The following C3orf70 variants were observed in gnomAD, a reference collection of about 807,000 sequenced individuals.
C3orf70 encodes chromosome 3 open reading frame 70.
Under a neutral mutation model 20.7 loss-of-function variants are expected in C3orf70, and 15 were observed. That is an observed-to-expected ratio of 0.72 (90% CI 0.48 to 1.11). The LOEUF (loss-of-function observed/expected upper bound fraction) is 1.11. Among genes scored for constraint, C3orf70 ranks in the 50% most tolerant of loss-of-function variants. The probability of loss-of-function intolerance (pLI) is 0.00; values close to 1 mark genes in which losing one functional copy is unlikely to be tolerated. For synonymous variants in C3orf70, 161 were observed against 125.7 expected (o/e 1.28, Z -1.88); for missense variants, 332 against 317.6 (o/e 1.05, Z -0.34).
chr3:185,116,289 C>T (rs768296213), intron 1 of C3orf70, among the ~76,000 whole-genome samples: 45 of 152,136 alleles, frequency 3.0e-4, no homozygotes, highest in Non-Finnish European at 5.7e-4. Context: ...TAGATAATGG[C>T]ACATGGAATA....
intron 1 of C3orf70, among the ~76,000 whole-genome samples, chr3:185,145,541 G>A (rs1441551815): frequency 6.6e-6 from 1 of 152,046 alleles, no homozygotes; most frequent in African/African-American, 2.4e-5. Flanking sequence ...GCATATAATT[G>A]CCCTTCTCTT....
At position 185,139,189 on chromosome 3, in the gene C3orf70, G is replaced by T. The variant is rs115921412; in HGVS notation, c.196+13439C>A. ...AGCAGAAAGGAGGAGAAGGGGAGAG[G>T]GGGGAGGAGGAGAAGAGGAAGAAGG... On this transcript the variant is annotated intron_variant, in intron 1 of 1. Coordinates refer to ENST00000335012, the MANE Select transcript of C3orf70 (RefSeq NM_001025266.3). Among the ~76,000 whole-genome samples, 38 of 151,478 alleles carry T rather than the reference G, an allele frequency of 2.5e-4. No individual in the cohort carries two copies. In the South Asian group the frequency reaches 6.9e-3, roughly 28 times the overall value.
chr3:185,119,902 T>C (rs921540949), intron 1 of C3orf70, among the ~76,000 whole-genome samples: 4 of 151,396 alleles, frequency 2.6e-5, no homozygotes, highest in Admixed American at 1.3e-4. Context: ...TGCATGCCTG[T>C]AGTTCCAGCT....
chr3:185,130,296 A>G (rs1030255579), intron 1 of C3orf70, among the ~76,000 whole-genome samples: 2 of 152,088 alleles, frequency 1.3e-5, no homozygotes, highest in Non-Finnish European at 2.9e-5. Flanking sequence ...TAAAAATACA[A>G]AAACAAAATT....
At position 185,085,305 on chromosome 3, in the gene C3orf70, T is replaced by C. The variant is rs1484041120; in HGVS notation, c.197-1742A>G. On this transcript the variant is annotated intron_variant, in intron 1 of 1. Coordinates refer to ENST00000335012, the MANE Select transcript of C3orf70 (RefSeq NM_001025266.3). ...GCCACAGGAGAGTAGCAATTTCAGA[T>C]TAGAAATGAAGTAGTAAAGAGGCCA... 3.3e-5 allele frequency among the ~76,000 whole-genome samples: 5 copies of C among 152,256 alleles called. No homozygotes were observed. In the East Asian group the frequency reaches 7.7e-4, roughly 23 times the overall value.
chr3:185,098,076 C>A (rs924358460), intron 1 of C3orf70, among the ~76,000 whole-genome samples: 8 of 152,110 alleles, frequency 5.3e-5, no homozygotes, highest in Admixed American at 2.0e-4. Flanking sequence ...ACAAACATAA[C>A]CCTTGCAGAG....
intron 1 of C3orf70, among the ~76,000 whole-genome samples, chr3:185,118,387 CT>C (rs1716226459): frequency 6.6e-6 from 1 of 152,186 alleles, no homozygotes; most frequent in Admixed American, 6.5e-5. Context: ...GGCATATATA[CT>C]TGACTATAGT....
chr3:185,112,276 C>T (rs1380126180), intron 1 of C3orf70, among the ~76,000 whole-genome samples: 3 of 152,066 alleles, frequency 2.0e-5, no homozygotes, highest in Non-Finnish European at 1.5e-5. Flanking sequence ...AGCTATAGAG[C>T]GAGATTCTGT....
At chr3:185,123,363 C>T (rs565377919) in intron 1 of C3orf70, among the ~76,000 whole-genome samples, 22 of 151,830 alleles carry the variant, frequency 1.4e-4, no homozygotes, top group East Asian at 1.4e-3. Flanking sequence ...TAGTGGTGAC[C>T]CATCGTGGTT....
chr3:185,117,877 T>C (rs1716215359), intron 1 of C3orf70, among the ~76,000 whole-genome samples: 2 of 152,176 alleles, frequency 1.3e-5, no homozygotes, highest in Admixed American at 6.5e-5. Flanking sequence ...AAAAGTGAAA[T>C]CAGTACAATT....
chr3:185,095,567 AAAG>A (rs918574043), intron 1 of C3orf70, among the ~76,000 whole-genome samples: 7 of 152,224 alleles, frequency 4.6e-5, no homozygotes, highest in South Asian at 2.1e-4. Flanking sequence ...GATTTAAGAA[AAAG>A]AAGATCTTGA....
At chr3:185,118,976 G>C (rs1716237792) in intron 1 of C3orf70, among the ~76,000 whole-genome samples, 1 of 152,048 alleles carries the variant, frequency 6.6e-6, no homozygotes, top group Admixed American at 6.6e-5. Flanking sequence ...AATTTCTCCT[G>C]GATTCCCATA....
At chr3:185,118,999 A>C (rs923928261) in intron 1 of C3orf70, among the ~76,000 whole-genome samples, 2 of 152,188 alleles carry the variant, frequency 1.3e-5, no homozygotes, top group Non-Finnish European at 2.9e-5. Flanking sequence ...GAAAGAGAGG[A>C]GTTGGTTGCT....
In C3orf70 at chr3:185,078,171, A is replaced by G. The variant is rs1453049792; in HGVS notation, c.*4836T>C. Reference sequence around the variant, plus strand: ...AAACAATATAATTTTAGGAAATTACAGAAGAGTCAACATTGTGCTTAAAAC... The same window carrying G: ...AAACAATATAATTTTAGGAAATTACGGAAGAGTCAACATTGTGCTTAAAAC... On this transcript the variant is annotated 3_prime_UTR_variant, in exon 2 of 2. Coordinates refer to ENST00000335012, the MANE Select transcript of C3orf70 (RefSeq NM_001025266.3). 1 of 152,698 alleles carries G rather than the reference A, an allele frequency of 6.5e-6. No homozygotes were observed. The highest frequency in any genetic ancestry group is 1.5e-5 in the Non-Finnish European group (1 of 68,044). The allele number at this position is 152,698 out of a possible 1,614,324, so 9.5% of individuals were successfully genotyped here.
At chr3:185,130,390 C>T (rs1353527004) in intron 1 of C3orf70, among the ~76,000 whole-genome samples, 2 of 152,168 alleles carry the variant, frequency 1.3e-5, no homozygotes, top group East Asian at 3.9e-4. Flanking sequence ...GGAGGCAGAG[C>T]GTGCAGTGAG....
At chr3:185,099,339 T>TTCTGTCC (rs1715776492) in intron 1 of C3orf70, among the ~76,000 whole-genome samples, 1 of 152,138 alleles carries the variant, frequency 6.6e-6, no homozygotes, top group Non-Finnish European at 1.5e-5. Flanking sequence ...TCAGGTCACT[T>TTCTGTCC]ACAAAGGGAA....
chr3:185,096,925 G>A (rs1446357390), intron 1 of C3orf70, among the ~76,000 whole-genome samples: 2 of 152,106 alleles, frequency 1.3e-5, no homozygotes, highest in East Asian at 1.9e-4. Context: ...GAAGCAGTGC[G>A]TTTCTCTGCT....
intron 1 of C3orf70, among the ~76,000 whole-genome samples, chr3:185,127,423 C>T (rs528034586): frequency 1.3e-5 from 2 of 151,984 alleles, no homozygotes; most frequent in East Asian, 3.9e-4. Flanking sequence ...AAGACCTAGA[C>T]ATTCATTCTT....
At chr3:185,129,428 A>G (rs1716482997) in intron 1 of C3orf70, among the ~76,000 whole-genome samples, 1 of 152,234 alleles carries the variant, frequency 6.6e-6, no homozygotes, top group Non-Finnish European at 1.5e-5. Flanking sequence ...ATGGCTGCAC[A>G]CAATTCCATG....
Sources: gnomAD v4.1 joint callset for allele counts (sites outside exome capture counted in the v4.1 genomes callset) on GRCh38, gnomAD v4.1.1 for gene constraint, MANE v1.5 for transcripts, NCBI Gene and HGNC (gene_info 2026-07-23, HGNC 2026-07-21) for gene names.